DPP6: variants seen among roughly 807,000 people sequenced by gnomAD.
The protein encoded by DPP6 is A-type potassium channel modulatory protein DPP6.
A neutral mutation model predicts 122.6 loss-of-function variants in DPP6; 69 were observed. The observed-to-expected ratio is 0.56, with a 90% CI of 0.46 to 0.69. The LOEUF (loss-of-function observed/expected upper bound fraction) is 0.69, where lower values mean the gene tolerates loss of function less well. Ranked by LOEUF, DPP6 falls within the 30% of genes least tolerant of loss-of-function variation. The pLI, the probability that DPP6 is intolerant of heterozygous loss-of-function variation, is 0.00. For missense variants in DPP6, 928 were observed against 1,116.9 expected (o/e 0.83, Z 2.41); for synonymous variants, 418 against 433.1 (o/e 0.97, Z 0.43).
At chr7:154,434,334 G>T (rs1215954092) in intron 1 of DPP6, among the ~76,000 whole-genome samples, 1 of 152,182 alleles carries the variant, frequency 6.6e-6, no homozygotes, top group Admixed American at 6.5e-5. Flanking sequence ...TTGTGACACT[G>T]CAGAGTTATA....
intron 1 of DPP6, among the ~76,000 whole-genome samples, chr7:154,300,122 C>T (rs534004128): frequency 2.6e-5 from 4 of 152,300 alleles, no homozygotes; most frequent in Admixed American, 1.3e-4. Flanking sequence ...CAAAAGTGCC[C>T]GTGGGAGTGG....
intron 1 of DPP6, among the ~76,000 whole-genome samples, chr7:154,156,870 A>AAT (rs1796707875): frequency 1.5e-4 from 1 of 6,728 alleles, no homozygotes; most frequent in African/African-American, 6.6e-4. Flanking sequence ...GTAATATAAT[A>AAT]AATTTGTTCC....
chr7:154,055,677 G>C (rs1013074759), intron 1 of DPP6: 10 of 152,218 alleles, frequency 6.6e-5, no homozygotes, highest in African/African-American at 2.4e-4. Context: ...AAGCAGCTGG[G>C]AGCGCCGCTA....
intron 3 of DPP6, among the ~76,000 whole-genome samples, chr7:154,513,977 T>A (rs1461970424): frequency 6.6e-6 from 1 of 152,182 alleles, no homozygotes; most frequent in Non-Finnish European, 1.5e-5. Flanking sequence ...CTGAATGAAA[T>A]TAAGAAGGGT....
intron 25 of DPP6, among the ~76,000 whole-genome samples, chr7:154,891,632 T>C (rs1039996661): frequency 6.6e-6 from 1 of 152,072 alleles, no homozygotes; most frequent in Admixed American, 6.6e-5. Context: ...TGAGAGAGCA[T>C]AGGAGTGTAA....
intron 5 of DPP6, among the ~76,000 whole-genome samples, chr7:154,577,893 G>A (rs1586668364): frequency 6.6e-6 from 1 of 152,312 alleles, no homozygotes; most frequent in South Asian, 2.1e-4. Flanking sequence ...TTAAGGCATA[G>A]AGAGTTTTAG....
Position 154,375,899 on chromosome 7 carries a change from G to A in DPP6, c.244-70315G>A, listed in dbSNP as rs117454063. ...CTTTCATGAATGGACGCAGAGTGAG[G>A]AAGAGTCACTTCCTTCACACTCAGG... On this transcript the variant is annotated intron_variant, in intron 1 of 25. Transcript: ENST00000377770. Among the ~76,000 whole-genome samples the A allele has an allele frequency of 4.9e-3, 739 of 152,288 alleles. 2 individuals carry two copies. The highest frequency in any genetic ancestry group is 8.1e-3 in the Non-Finnish European group (552 of 68,024).
intron 1 of DPP6, among the ~76,000 whole-genome samples, chr7:154,437,524 A>C (rs1818973367): frequency 6.6e-6 from 1 of 152,212 alleles, no homozygotes. Context: ...AAAATCTGTT[A>C]AGGTAATTGC....
At position 154,403,456 on chromosome 7, in the gene DPP6, G is replaced by T. The variant is rs750692439; in HGVS notation, c.244-42758G>T. 6.6e-6 allele frequency among the ~76,000 whole-genome samples: 1 copy of T among 152,170 alleles called. No individual in the cohort carries two copies. The highest frequency in any genetic ancestry group is 1.5e-5 in the Non-Finnish European group (1 of 68,032). On this transcript the variant is annotated intron_variant, in intron 1 of 25. Coordinates refer to ENST00000377770, the MANE Select transcript of DPP6 (RefSeq NM_130797.4). This position sits in a 1 kb window ranked among gnomAD's most constrained non-coding sequence, Gnocchi z 4.1. ...CAGAATGGCAGAGAGGGGAAATGGG[G>T]GCAGCCATGCATGAAGACAGGCTGG...
At chr7:154,325,533 A>G (rs961725798) in intron 1 of DPP6, among the ~76,000 whole-genome samples, 2 of 152,206 alleles carry the variant, frequency 1.3e-5, no homozygotes, top group African/African-American at 4.8e-5. Context: ...CGTTACCCTC[A>G]GAACCACAAA....
intron 3 of DPP6, chr7:154,475,281 G>T: frequency 4.3e-6 from 2 of 463,604 alleles, no homozygotes; most frequent in Non-Finnish European, 8.1e-6. Context: ...ATGAGAAATG[G>T]GTCTGCTGAA....
intron 16 of DPP6, among the ~76,000 whole-genome samples, chr7:154,839,852 C>T (rs1801378110): frequency 1.2e-5 from 1 of 82,834 alleles, no homozygotes; most frequent in Non-Finnish European, 3.6e-5. Flanking sequence ...AGAGTTTAAA[C>T]CTAAGCCTCT....
chr7:153,824,143 C>A, the DPP6 span, among the ~76,000 whole-genome samples: 1 of 152,160 alleles, frequency 6.6e-6, no homozygotes, highest in Non-Finnish European at 1.5e-5. Context: ...AATCCCGGCA[C>A]TTTGGGAGGC....
intron 11 of DPP6, 48 bp from the exon 12 acceptor site, chr7:154,795,797 G>GA (rs1324090988): frequency 1.0e-6 from 1 of 975,996 alleles, no homozygotes; most frequent in African/African-American, 2.4e-5. Flanking sequence ...AAAAAAAAAA[G>GA]AAAAGAAAAG....
intron 1 of DPP6, among the ~76,000 whole-genome samples, chr7:153,955,430 G>A (rs895828219): frequency 1.6e-4 from 25 of 151,966 alleles, no homozygotes; most frequent in Non-Finnish European, 2.5e-4. Context: ...AGGCATTATT[G>A]TTGTTATTTA....
chr7:153,904,025 C>T (rs1286756475), intron 1 of DPP6, among the ~76,000 whole-genome samples: 1 of 152,124 alleles, frequency 6.6e-6, no homozygotes, highest in Non-Finnish European at 1.5e-5. Flanking sequence ...ATTTTGCTAA[C>T]TAGCGATCTA....
At chr7:154,026,824 C>T (rs2628740) in intron 1 of DPP6, 1 of 152,218 alleles carries the variant, frequency 6.6e-6, no homozygotes, top group Admixed American at 6.5e-5. Flanking sequence ...TCTAGCCTTT[C>T]TGTAATCTTT....
rs569900185 is a variant in DPP6 at position 154,130,203 on chromosome 7, A to G, written c.243+77140A>G. Among the ~76,000 whole-genome samples the G allele has an allele frequency of 5.9e-5, 9 of 152,282 alleles. No homozygotes were observed. In the East Asian group the frequency reaches 1.7e-3, roughly 29 times the overall value. On this transcript the variant is annotated intron_variant, in intron 1 of 25. Coordinates refer to ENST00000377770, the MANE Select transcript of DPP6 (RefSeq NM_130797.4). ...AAGAGGAACTAGTGAGGGGTGTGTG[A>G]CATCAGCCAAAGCTGTTGGCAGGGA...
chr7:153,756,539 G>A, the DPP6 span, among the ~76,000 whole-genome samples: 2 of 152,178 alleles, frequency 1.3e-5, no homozygotes, highest in Non-Finnish European at 2.9e-5. Context: ...CAGCCTGAAG[G>A]ACACTTCACT....
Sources: allele counts gnomAD v4.1 joint callset (sites outside exome capture counted in the v4.1 genomes callset), GRCh38; gene constraint gnomAD v4.1.1; non-coding constraint Gnocchi (gnomAD v3.1); transcripts MANE v1.5; gene names NCBI Gene and HGNC (gene_info 2026-07-23, HGNC 2026-07-21).